Variants in GOLGB1 observed in about 807,000 individuals in gnomAD.
The protein encoded by GOLGB1 is golgin subfamily B member 1.
In GOLGB1, 174 loss-of-function variants were observed where a neutral mutation model predicts 336.9. That is an observed-to-expected ratio of 0.52 (90% CI 0.46 to 0.59). The LOEUF is 0.59. Ranked by LOEUF, GOLGB1 falls within the 20% of genes least tolerant of loss-of-function variation. The pLI is 0.00. For missense variants in GOLGB1, 3,331 were observed against 3,645.3 expected, an observed-to-expected ratio of 0.91 and a Z score of 2.22; for synonymous variants, 1,208 against 1,289.2, an observed-to-expected ratio of 0.94 and a Z score of 1.35.
chr3:121,727,289 C>CATATATAT lies in GOLGB1; in HGVS notation c.403-249_403-248insATATATAT, dbSNP rs1216701208. On this transcript the variant is annotated intron_variant, in intron 4 of 21. Coordinates refer to ENST00000614479, the MANE Select transcript of GOLGB1 (RefSeq NM_001366282.2). ...ATAAACTGTGAAATACATACACACA[C>CATATATAT]ACACATATATATATATATATATATA... 1.9e-3 allele frequency among the ~76,000 whole-genome samples: 84 copies of CATATATAT among 44,302 alleles called. 1 individual carries two copies. The highest frequency in any genetic ancestry group is 0.015 in the East Asian group (17 of 1,170). The allele number at this position is 44,302 out of a possible 152,430, so 29.1% of individuals were successfully genotyped here.
rs1256954738 is a variant in GOLGB1 at position 121,695,258 on chromosome 3, G to C, written c.5265C>G (p.Asp1755Glu). 6.2e-7 allele frequency: 1 copy of C among 1,613,570 alleles called. No homozygotes were observed. The highest frequency in any genetic ancestry group is 1.1e-5 in the South Asian group (1 of 91,062). Residue 1755 changes from aspartate to glutamate, a missense_variant, in exon 13 of 22, where the codon GAC (aspartate) becomes GAG (glutamate). Physicochemically the swap from Asp to Glu is conservative, Grantham distance 45. Coordinates refer to ENST00000614479, the MANE Select transcript of GOLGB1 (RefSeq NM_001366282.2). ...KKFQSLMSEK[D>E]SLSEEVQDLK... ...AATCTTGAACCTCTTCACTTAGAGA[G>C]TCTTTCTCAGACATTAAAGACTGAA...
Position 121,695,874 on chromosome 3 carries a change from TGAA to T in GOLGB1, c.4646_4648del (p.Leu1549del), listed in dbSNP as rs1217997729. On this transcript the variant is annotated inframe_deletion, in exon 13 of 22. Coordinates refer to ENST00000614479, the MANE Select transcript of GOLGB1 (RefSeq NM_001366282.2). Reference sequence around the variant, plus strand: ...TGTAATGAGTTTGTCTCTTTCTTCTTGAAGAAGAGCTAACCTTCCTAAGACCGT... The same window carrying T: ...TGTAATGAGTTTGTCTCTTTCTTCTTGAAGAGCTAACCTTCCTAAGACCGT... 3 of 1,613,770 alleles carry T rather than the reference TGAA, an allele frequency of 1.9e-6. No individual in the cohort carries two copies. In the Admixed American group the frequency reaches 5.0e-5, roughly 27 times the overall value.
chr3:121,670,074 T>A (rs1018013303), intron 17 of GOLGB1, among the ~76,000 whole-genome samples: 6 of 152,168 alleles, frequency 3.9e-5, no homozygotes, highest in African/African-American at 1.4e-4. Context: ...CCAAACCATT[T>A]AAAAAACTGA....
At chr3:121,672,369 T>C (rs1222727952) in intron 17 of GOLGB1, among the ~76,000 whole-genome samples, 1 of 152,244 alleles carries the variant, frequency 6.6e-6, no homozygotes, top group African/African-American at 2.4e-5. Context: ...TTTACAATTC[T>C]CTGATGTTTA....
chr3:121,726,818 C>A (rs1945651724), intron 5 of GOLGB1, 95 bp downstream of exon 5: 3 of 837,846 alleles, frequency 3.6e-6, no homozygotes, highest in South Asian at 4.5e-5. Context: ...GATAAATGCC[C>A]ATTGTGCATC....
At position 121,698,237 on chromosome 3, in the gene GOLGB1, G is replaced by T; in HGVS notation, c.2286C>A (p.Ser762Arg). 6.2e-7 allele frequency: 1 copy of T among 1,613,858 alleles called. No individual in the cohort carries two copies. Among genetic ancestry groups the T allele is most frequent in the South Asian group, 1.1e-5 (1 of 91,072 alleles). The stretch of plus-strand genomic sequence containing the variant: ...CCTGAGCCCTCAATTCTGTTACCAT[G>T]CTAAGTTCCTTCACCTGAGAGAGAA... ...DQLLSQVKEL[S>R]MVTELRAQVK... is the part of the protein sequence containing the mutation. Residue 762 changes from serine (S) to arginine (R), a missense_variant, in exon 13 of 22, where the codon AGC becomes AGA. Transcript: ENST00000614479.
At chr3:121,672,475 T>C (rs571424483) in intron 17 of GOLGB1, among the ~76,000 whole-genome samples, 1 of 152,322 alleles carries the variant, frequency 6.6e-6, no homozygotes, top group African/African-American at 2.4e-5. Flanking sequence ...TTAAGTTGAG[T>C]TATTTGTTTT....
chr3:121,726,936 C>A lies in GOLGB1; in HGVS notation c.508G>T (p.Ala170Ser), dbSNP rs749274061. 1 of 1,602,282 alleles carries A rather than the reference C, an allele frequency of 6.2e-7. No homozygotes were observed. The highest frequency in any genetic ancestry group is 1.1e-5 in the South Asian group (1 of 89,702). Residue 170 changes from alanine to serine, a missense_variant, in exon 5 of 22, where the codon GCA becomes TCA. Physicochemically the swap from Ala to Ser is moderately conservative, Grantham distance 99 (BLOSUM62 1). Coordinates refer to ENST00000614479, the MANE Select transcript of GOLGB1 (RefSeq NM_001366282.2). ...ACCTGTGCAGGTTGTTCTGCCTGTG[C>A]CTGAGTAAGCTGGGCTTGCAAAGTG... Reference protein sequence around the residue: ...ISTLQAQLTQAQAEQPAQSST... With the variant: ...ISTLQAQLTQSQAEQPAQSST...
intron 2 of GOLGB1, 52 bp downstream of exon 2, chr3:121,730,824 A>C (rs7621042): frequency 3.8e-5 from 58 of 1,544,414 alleles, no homozygotes; most frequent in Non-Finnish European, 4.8e-5. Flanking sequence ...TTTTCCTTAG[A>C]AGAACACAGA....
chr3:121,715,062 T>C, intron 9 of GOLGB1, 86 bp from the exon 10 acceptor site: 2 of 716,302 alleles, frequency 2.8e-6, no homozygotes, highest in East Asian at 5.3e-5. Flanking sequence ...CACTGTATGC[T>C]GTTTACTAGT....
chr3:121,699,802 C>T lies in GOLGB1; in HGVS notation c.1593+10G>A, dbSNP rs972257476. 3.9e-6 allele frequency: 6 copies of T among 1,530,752 alleles called. No homozygotes were observed. The African/African-American group carries it at 8.2e-5, about 21-fold the overall frequency. 94.8% of individuals were successfully genotyped at this position (1,530,752 alleles called of 1,614,324 possible). ...TCATGTTCTGGTTATATTAAGAACA[C>T]ATCACTTACCTCACTGACTTCTCTG... On this transcript the variant is annotated intron_variant, in intron 12 of 21. Coordinates refer to ENST00000614479, the MANE Select transcript of GOLGB1 (RefSeq NM_001366282.2).
chr3:121,747,711 G>A (rs1029197709), intron 1 of GOLGB1, among the ~76,000 whole-genome samples: 1 of 151,956 alleles, frequency 6.6e-6, no homozygotes, highest in Non-Finnish European at 1.5e-5. Context: ...TGATCAGAAA[G>A]TTTCTTAAAT....
chr3:121,718,672 A>G (rs993639952), intron 7 of GOLGB1, among the ~76,000 whole-genome samples, 171 bp from the exon 8 acceptor site: 3 of 152,328 alleles, frequency 2.0e-5, no homozygotes, highest in East Asian at 3.9e-4. Flanking sequence ...AGCAACGAAG[A>G]GTCTCCAAAA....
chr3:121,664,647 C>T, intron 21 of GOLGB1, 33 bp from the exon 22 acceptor site: 1 of 1,607,924 alleles, frequency 6.2e-7, no homozygotes, highest in Non-Finnish European at 8.5e-7. Flanking sequence ...AGAGAGTTTT[C>T]ACCCTATAGG....
At position 121,748,535 on chromosome 3, in the gene GOLGB1, G is replaced by A. The variant is rs554594768; in HGVS notation, c.-3+1097C>T. Among the ~76,000 whole-genome samples the A allele has an allele frequency of 2.0e-5, 3 of 152,282 alleles. No individual in the cohort carries two copies. In the South Asian group the frequency reaches 6.2e-4, roughly 32 times the overall value. ...TTAATGTACAATGCCTGCAACTTTTGAGTACTCTTCAACTTTTTCCTGCAT... is the reference window on the plus strand; with the variant it reads ...TTAATGTACAATGCCTGCAACTTTTAAGTACTCTTCAACTTTTTCCTGCAT... On this transcript the variant is annotated intron_variant, in intron 1 of 21. Coordinates refer to ENST00000614479, the MANE Select transcript of GOLGB1 (RefSeq NM_001366282.2).
At chr3:121,667,924 C>T (rs1228208833) in intron 19 of GOLGB1, 137 bp downstream of exon 19, 1 of 572,080 alleles carries the variant, frequency 1.7e-6, no homozygotes, top group African/African-American at 1.9e-5. Flanking sequence ...ACTATTTGAT[C>T]CTCACATCAC....
intron 4 of GOLGB1, among the ~76,000 whole-genome samples, chr3:121,728,888 T>C (rs1450820076): frequency 1.3e-5 from 2 of 152,210 alleles, no homozygotes; most frequent in Non-Finnish European, 2.9e-5. Flanking sequence ...CCAAAAGGTA[T>C]GTTTCCCTCC....
intron 20 of GOLGB1, among the ~76,000 whole-genome samples, chr3:121,666,343 A>T (rs1938612539): frequency 6.6e-6 from 1 of 152,160 alleles, no homozygotes; most frequent in South Asian, 2.1e-4. Context: ...CATCCCACAC[A>T]TGCAGTCTCA....
chr3:121,721,366 C>T (rs1208340406), intron 6 of GOLGB1, among the ~76,000 whole-genome samples: 1 of 152,096 alleles, frequency 6.6e-6, no homozygotes, highest in Non-Finnish European at 1.5e-5. Context: ...AATTACAGTG[C>T]CTGTAATCCC....
Sources: gnomAD v4.1 joint callset for allele counts (sites outside exome capture counted in the v4.1 genomes callset) on GRCh38, gnomAD v4.1.1 for gene constraint, MANE v1.5 for transcripts, NCBI Gene and HGNC (gene_info 2026-07-23, HGNC 2026-07-21) for gene names.